NR5A2: variants seen among roughly 807,000 people sequenced by gnomAD.
NR5A2 encodes nuclear receptor subfamily 5 group A member 2.
A neutral mutation model predicts 62.7 loss-of-function variants in NR5A2; 26 were observed. The ratio of observed to expected loss-of-function variants is 0.41; its 90% CI spans 0.30 to 0.58. NR5A2 has a LOEUF of 0.58. Among genes scored for constraint, NR5A2 ranks in the 20% least tolerant of loss-of-function variants. NR5A2 has a pLI of 0.22. For synonymous variants in NR5A2, 246 were observed against 241.7 expected (o/e 1.02, Z -0.16); for missense variants, 541 against 669.1 (o/e 0.81, Z 2.11).
intron 7 of NR5A2, among the ~76,000 whole-genome samples, chr1:200,134,895 T>A (rs2102335155): frequency 6.6e-6 from 1 of 152,322 alleles, no homozygotes; most frequent in Middle Eastern, 3.4e-3. Context: ...CTCTAGAACT[T>A]CCTGTCTTCC....
At chr1:200,161,292 T>C (rs1416096702) in intron 7 of NR5A2, among the ~76,000 whole-genome samples, 2 of 152,204 alleles carry the variant, frequency 1.3e-5, no homozygotes, top group African/African-American at 4.8e-5. Flanking sequence ...GCTCAGAATA[T>C]CCCATCGATT....
Position 200,048,478 on chromosome 1 carries a change from G to T in NR5A2, c.770G>T (p.Gly257Val), listed in dbSNP as rs757522943. The T allele has an allele frequency of 5.0e-6, 8 of 1,614,024 alleles. No individual in the cohort carries two copies. In the Admixed American group the frequency reaches 6.7e-5, roughly 13 times the overall value. The change falls in exon 5 of 8, where the codon GGT becomes GTT. Residue 257 changes from glycine (G) to valine (V), a missense_variant. Gly to Val is a moderately radical substitution (Grantham distance 109). Transcript: ENST00000367362. This position sits in a 1 kb window ranked among gnomAD's most constrained non-coding sequence, Gnocchi z 4.8. Reference protein sequence around the residue: ...MTMPPHGSLQGYQTYGHFPSR... With the variant: ...MTMPPHGSLQVYQTYGHFPSR... ...ATGCCCCCTCACGGCAGCCTGCAAG[G>T]TTACCAAACATATGGCCACTTTCCT...
At chr1:200,056,074 T>C (rs1662899672) in intron 5 of NR5A2, among the ~76,000 whole-genome samples, 1 of 152,198 alleles carries the variant, frequency 6.6e-6, no homozygotes, top group Non-Finnish European at 1.5e-5. Flanking sequence ...CAGAAGGCTT[T>C]GGTGTGGCTG....
chr1:200,043,915 G>GA, intron 3 of NR5A2, 23 bp downstream of exon 3: 1 of 1,464,058 alleles, frequency 6.8e-7, no homozygotes, highest in East Asian at 2.3e-5. Context: ...ATTGCTACCT[G>GA]AAAAATATAA....
chr1:200,074,742 A>T (rs1295982766), intron 5 of NR5A2, among the ~76,000 whole-genome samples: 1 of 77,602 alleles, frequency 1.3e-5, no homozygotes, highest in Non-Finnish European at 3.0e-5. Context: ...ATCTCAAAAA[A>T]AAAAAAAAAA....
intron 2 of NR5A2, among the ~76,000 whole-genome samples, chr1:200,041,150 G>A (rs892178560): frequency 6.6e-6 from 1 of 152,224 alleles, no homozygotes; most frequent in African/African-American, 2.4e-5. Flanking sequence ...GTCGCTGGGT[G>A]AGGCCGGCAC....
At chr1:200,127,356 T>C (rs760168882) in intron 7 of NR5A2, among the ~76,000 whole-genome samples, 2 of 152,076 alleles carry the variant, frequency 1.3e-5, no homozygotes, top group Non-Finnish European at 2.9e-5. Flanking sequence ...AGCTGCAGGT[T>C]CTGTGTACAA....
At chr1:200,145,690 T>C (rs1183161030) in intron 7 of NR5A2, among the ~76,000 whole-genome samples, 3 of 152,138 alleles carry the variant, frequency 2.0e-5, no homozygotes, top group Non-Finnish European at 4.4e-5. Flanking sequence ...GCAGTGGCAA[T>C]GGCCATAGCT....
At chr1:200,086,965 G>A (rs1235108597) in intron 5 of NR5A2, among the ~76,000 whole-genome samples, 1 of 152,156 alleles carries the variant, frequency 6.6e-6, no homozygotes, top group Non-Finnish European at 1.5e-5. Flanking sequence ...CTTGAACCTG[G>A]GAGGTGGAGG....
At chr1:200,134,940 C>T (rs562122606) in intron 7 of NR5A2, among the ~76,000 whole-genome samples, 6 of 152,280 alleles carry the variant, frequency 3.9e-5, no homozygotes, top group African/African-American at 1.2e-4. Flanking sequence ...CAGTAAATTC[C>T]CAATTCACCC....
At chr1:200,073,535 T>C (rs1571425242) in intron 5 of NR5A2, among the ~76,000 whole-genome samples, 1 of 151,890 alleles carries the variant, frequency 6.6e-6, no homozygotes, top group East Asian at 1.9e-4. Context: ...GTATAAGTAG[T>C]TGTTACACTG....
chr1:200,117,071 C>G (rs544002833), intron 6 of NR5A2, among the ~76,000 whole-genome samples: 10 of 152,226 alleles, frequency 6.6e-5, no homozygotes, highest in South Asian at 2.1e-4. Context: ...TCTACTTTTT[C>G]ATGATGAGTG....
At chr1:200,071,019 T>A (rs1213832430) in intron 5 of NR5A2, among the ~76,000 whole-genome samples, 1 of 152,220 alleles carries the variant, frequency 6.6e-6, no homozygotes, top group East Asian at 1.9e-4. Context: ...GCTACCTATT[T>A]TTCCAGATAT....
chr1:200,045,247 T>C (rs1377056386), intron 3 of NR5A2, among the ~76,000 whole-genome samples, 196 bp from the exon 4 acceptor site: 1 of 152,102 alleles, frequency 6.6e-6, no homozygotes, highest in African/African-American at 2.4e-5. Context: ...ATAAAACTGA[T>C]GCCAGAAAAA....
At chr1:200,165,026 A>G (rs911334068) in intron 7 of NR5A2, among the ~76,000 whole-genome samples, 3 of 150,336 alleles carry the variant, frequency 2.0e-5, no homozygotes, top group African/African-American at 4.9e-5. Context: ...ACAGGCATGC[A>G]CCACCACACC....
At chr1:200,127,934 T>A (rs1457901350) in intron 7 of NR5A2, among the ~76,000 whole-genome samples, 1 of 151,232 alleles carries the variant, frequency 6.6e-6, no homozygotes, top group Non-Finnish European at 1.5e-5. Context: ...CAAAATGATA[T>A]AAGAAATTAG....
At chr1:200,142,014 A>G (rs867119941) in intron 7 of NR5A2, among the ~76,000 whole-genome samples, 35 of 152,160 alleles carry the variant, frequency 2.3e-4, no homozygotes, top group African/African-American at 7.2e-4. Context: ...GCTAACTCCT[A>G]TCAGGCATAT....
chr1:200,169,615 G>T (rs1654078586), intron 7 of NR5A2, among the ~76,000 whole-genome samples: 1 of 152,172 alleles, frequency 6.6e-6, no homozygotes. Flanking sequence ...CCCACTGTGA[G>T]CTTATCGTAA....
Position 200,149,215 on chromosome 1 carries a change from C to T in NR5A2, c.1379-24748C>T, listed in dbSNP as rs555174163. Among the ~76,000 whole-genome samples the T allele has an allele frequency of 3.3e-5, 5 of 152,328 alleles. No individual in the cohort carries two copies. The South Asian group carries it at 6.2e-4, about 19-fold the overall frequency. On this transcript the variant is annotated intron_variant, in intron 7 of 7. Coordinates refer to ENST00000367362, the MANE Select transcript of NR5A2 (RefSeq NM_205860.3). ...GCATGAGCCACCTCACCCGGCCACA[C>T]GCAGTACACTTTTAGACAGAGTCTA...
Sources: gnomAD v4.1 joint callset for allele counts (sites outside exome capture counted in the v4.1 genomes callset) on GRCh38, gnomAD v4.1.1 for gene constraint, Gnocchi (gnomAD v3.1) non-coding constraint, MANE v1.5 for transcripts, NCBI Gene and HGNC (gene_info 2026-07-23, HGNC 2026-07-21) for gene names.